The following MRPS35 variants were observed in gnomAD, a reference collection of about 807,000 sequenced individuals.
MRPS35 encodes small ribosomal subunit protein mS35.
MRPS35 carries 29 observed loss-of-function variants against 32.7 expected under a neutral mutation model. The observed-to-expected ratio is 0.89, with a 90% CI of 0.66 to 1.21. MRPS35 has a LOEUF of 1.21. Ranked by LOEUF, MRPS35 falls within the 50% of genes most tolerant of loss-of-function variation. The probability of loss-of-function intolerance (pLI) is 0.00; values close to 1 mark genes in which losing one functional copy is unlikely to be tolerated. For missense variants in MRPS35, 373 were observed against 383.8 expected, an observed-to-expected ratio of 0.97 and a Z score of 0.23; for synonymous variants, 148 against 139.3, an observed-to-expected ratio of 1.06 and a Z score of -0.44.
intron 7 of MRPS35, among the ~76,000 whole-genome samples, chr12:27,749,400 G>GGTGTGGTTTGC (rs1209157748): frequency 1.3e-5 from 2 of 152,028 alleles, no homozygotes; most frequent in Non-Finnish European, 2.9e-5. Flanking sequence ...AAACATCTTG[G>GGTGTGGTTTGC]AAAGATACTG....
At chr12:27,721,612 C>T (rs2061875651) in intron 4 of MRPS35, among the ~76,000 whole-genome samples, 2 of 152,058 alleles carry the variant, frequency 1.3e-5, no homozygotes, top group African/African-American at 2.4e-5. Context: ...GCTCAGATCA[C>T]GCCATTGCAC....
chr12:27,718,354 G>A (rs1056991461), intron 3 of MRPS35, among the ~76,000 whole-genome samples: 1 of 152,138 alleles, frequency 6.6e-6, no homozygotes, highest in Non-Finnish European at 1.5e-5. Context: ...TTGAACCCAG[G>A]GGGCAGAGGT....
At chr12:27,723,220 A>G (rs950272740) in intron 4 of MRPS35, among the ~76,000 whole-genome samples, 2 of 151,920 alleles carry the variant, frequency 1.3e-5, no homozygotes, top group Non-Finnish European at 2.9e-5. Context: ...ACAGGACAAG[A>G]TGAAATCAGC....
At chr12:27,718,809 G>A (rs532762973) in intron 3 of MRPS35, among the ~76,000 whole-genome samples, 3 of 152,214 alleles carry the variant, frequency 2.0e-5, no homozygotes, top group South Asian at 4.1e-4. Context: ...TATCCTGGCC[G>A]GGCACAGCGG....
At chr12:27,714,162 A>G (rs1246101659) in intron 1 of MRPS35, among the ~76,000 whole-genome samples, 2 of 152,066 alleles carry the variant, frequency 1.3e-5, no homozygotes, top group Admixed American at 1.3e-4. Flanking sequence ...GTTCCCTGCT[A>G]TATGTGTTCA....
intron 4 of MRPS35, among the ~76,000 whole-genome samples, chr12:27,722,513 A>ATT (rs202117644): frequency 1.4e-5 from 2 of 147,376 alleles, no homozygotes; most frequent in African/African-American, 5.0e-5. Flanking sequence ...ACTTATTCAC[A>ATT]TTTTTTTTTT....
At chr12:27,752,553 CGTTTT>C (rs2062009857) in intron 7 of MRPS35, among the ~76,000 whole-genome samples, 2 of 152,030 alleles carry the variant, frequency 1.3e-5, no homozygotes, top group Non-Finnish European at 2.9e-5. Flanking sequence ...ATGGAGTGAC[CGTTTT>C]ACTTAACGCT....
At chr12:27,755,084 A>AG (rs1176389882) in intron 7 of MRPS35, 97 bp from the exon 8 acceptor site, 6 of 1,301,854 alleles carry the variant, frequency 4.6e-6, no homozygotes, top group African/African-American at 1.5e-5. Flanking sequence ...TTAAAAAGGA[A>AG]GGAAAAAAAA....
intron 6 of MRPS35, among the ~76,000 whole-genome samples, chr12:27,736,927 A>T (rs2061945097): frequency 6.6e-6 from 1 of 152,026 alleles, no homozygotes; most frequent in African/African-American, 2.4e-5. Flanking sequence ...CCCAGGCTGG[A>T]GGTCAGTGGC....
rs116686705 is a variant in MRPS35, at chr12:27,717,985, A to G, written c.321+1527A>G. ...GTTCATGTTTCAAAAATAAAAGTCT[A>G]TCACTCTGATCTGTTAAAAGTAGCC... On this transcript the variant is annotated intron_variant, in intron 3 of 7. Coordinates refer to ENST00000081029, the MANE Select transcript of MRPS35 (RefSeq NM_021821.4). 2.6e-3 allele frequency among the ~76,000 whole-genome samples: 401 copies of G among 152,322 alleles called. 4 individuals carry two copies. The highest frequency in any genetic ancestry group is 9.4e-3 in the African/African-American group (389 of 41,574).
chr12:27,720,839 C>T (rs2061871270), intron 4 of MRPS35, among the ~76,000 whole-genome samples: 1 of 147,922 alleles, frequency 6.8e-6, no homozygotes, highest in South Asian at 2.1e-4. Flanking sequence ...TTTCTACATG[C>T]ATGGAGGTAA....
intron 4 of MRPS35, among the ~76,000 whole-genome samples, chr12:27,721,948 G>T (rs994382495): frequency 6.6e-5 from 10 of 152,152 alleles, no homozygotes; most frequent in African/African-American, 2.2e-4. Flanking sequence ...ATTAGCTGGG[G>T]TGTGATGGCG....
chr12:27,727,636 GT>G (rs1188639900), intron 5 of MRPS35, among the ~76,000 whole-genome samples: 1 of 152,014 alleles, frequency 6.6e-6, no homozygotes, highest in Non-Finnish European at 1.5e-5. Context: ...TTTTCCTTTT[GT>G]TTCTTGTGCT....
intron 5 of MRPS35, among the ~76,000 whole-genome samples, chr12:27,731,898 G>A (rs926512466): frequency 1.3e-5 from 2 of 152,046 alleles, no homozygotes; most frequent in Non-Finnish European, 1.5e-5. Flanking sequence ...GAATTATGAA[G>A]CTTTCCAATC....
chr12:27,711,091 T>C, intron 1 of MRPS35, 136 bp downstream of exon 1: 1 of 767,906 alleles, frequency 1.3e-6, no homozygotes, highest in Non-Finnish European at 2.2e-6. Flanking sequence ...GCCCGTCTGG[T>C]AGGAAAACCA....
chr12:27,735,345 C>T, intron 5 of MRPS35, 102 bp from the exon 6 acceptor site: 1 of 837,668 alleles, frequency 1.2e-6, no homozygotes. Flanking sequence ...GGAAAGCTTT[C>T]TTTTTAGTGG....
rs546975395 is a variant in MRPS35 at position 27,737,522 on chromosome 12, C to T, written c.633-17C>T. ...GAGTTTTTAGAATTTTGACTTCTCC[C>T]GCTTTCTCTTTAATAGGTGCCCTTT... On this transcript the variant is annotated splice_polypyrimidine_tract_variant and intron_variant, in intron 6 of 7. Coordinates refer to ENST00000081029, the MANE Select transcript of MRPS35 (RefSeq NM_021821.4). The T allele has an allele frequency of 6.0e-5, 96 of 1,607,404 alleles. 1 individual carries two copies. Among genetic ancestry groups the T allele is most frequent in the Admixed American group, 4.0e-4 (24 of 59,792 alleles).
chr12:27,712,742 T>C (rs1490380029), intron 1 of MRPS35, among the ~76,000 whole-genome samples: 1 of 152,086 alleles, frequency 6.6e-6, no homozygotes, highest in African/African-American at 2.4e-5. Flanking sequence ...AGGGGCTGAG[T>C]GTGGGGGCTC....
At chr12:27,717,659 A>G (rs2061856306) in intron 3 of MRPS35, among the ~76,000 whole-genome samples, 1 of 152,256 alleles carries the variant, frequency 6.6e-6, no homozygotes, top group African/African-American at 2.4e-5. Context: ...AAGAAAGCAT[A>G]CATCAAGGAA....
Sources: gnomAD v4.1 joint callset for allele counts (sites outside exome capture counted in the v4.1 genomes callset) on GRCh38, gnomAD v4.1.1 for gene constraint, MANE v1.5 for transcripts, NCBI Gene and HGNC (gene_info 2026-07-23, HGNC 2026-07-21) for gene names.